The following CFAP46 variants were observed in gnomAD, a reference collection of about 807,000 sequenced individuals.
CFAP46 encodes cilia- and flagella-associated protein 46.
CFAP46 carries 245 observed loss-of-function variants against 325.7 expected under a neutral mutation model. The observed-to-expected ratio is 0.75, with a 90% CI of 0.68 to 0.84. The LOEUF (loss-of-function observed/expected upper bound fraction) is 0.84, where lower values mean the gene tolerates loss of function less well. CFAP46 is among the 40% of genes least tolerant of loss of function. The probability of loss-of-function intolerance (pLI) is 0.00; values close to 1 mark genes in which losing one functional copy is unlikely to be tolerated. For missense variants in CFAP46, 3,346 were observed against 3,543.0 expected (o/e 0.94, Z 1.41); for synonymous variants, 1,523 against 1,495.9 (o/e 1.02, Z -0.42).
chr10:132,908,159 A>G (rs1472975511), intron 22 of CFAP46, among the ~76,000 whole-genome samples: 1 of 152,222 alleles, frequency 6.6e-6, no homozygotes, highest in Non-Finnish European at 1.5e-5. Flanking sequence ...GGCCGGCAGG[A>G]CGGAGGCTGC....
At chr10:132,861,694 G>A (rs182216446) in intron 35 of CFAP46, among the ~76,000 whole-genome samples, 1 of 152,206 alleles carries the variant, frequency 6.6e-6, no homozygotes, top group Non-Finnish European at 1.5e-5. Context: ...GAGCGGTGGC[G>A]GGAAAGCCGG....
intron 22 of CFAP46, among the ~76,000 whole-genome samples, chr10:132,904,132 A>G (rs1849425029): frequency 6.6e-6 from 1 of 152,282 alleles, no homozygotes; most frequent in African/African-American, 2.4e-5. Flanking sequence ...GAAAGAAATT[A>G]GAATGAAGAA....
rs1849966651 is a variant in CFAP46, at chr10:132,934,796, T to C, written c.822A>G (p.Leu274=). 1 of 1,612,960 alleles carries C rather than the reference T, an allele frequency of 6.2e-7. No individual in the cohort carries two copies. The highest frequency in any genetic ancestry group is 8.5e-7 in the Non-Finnish European group (1 of 1,179,098). The part of the protein sequence containing the change: ...SVILRKAYRH[L]GHYNHQRFPS... ...GAAAGCGCTGGTGGTTGTAATGACC[T>C]AAGTGTCTGTAGGCCTTCCTCAGAA... The change falls in exon 8 of 58, where the codon TTA becomes TTG. Residue 274 remains leucine (L), a synonymous_variant. Coordinates refer to ENST00000368586, the MANE Select transcript of CFAP46 (RefSeq NM_001200049.3).
intron 13 of CFAP46, among the ~76,000 whole-genome samples, chr10:132,920,630 C>G (rs901932782): frequency 6.6e-6 from 1 of 152,230 alleles, no homozygotes; most frequent in African/African-American, 2.4e-5. Flanking sequence ...CACGAGCACC[C>G]GGAACTCAGC....
At chr10:132,933,553 A>C (rs1021044032) in intron 8 of CFAP46, among the ~76,000 whole-genome samples, 1 of 152,166 alleles carries the variant, frequency 6.6e-6, no homozygotes. Flanking sequence ...CCCCATGTAC[A>C]CATGCACTCA....
chr10:132,822,918 CTGA>C (rs1256293588), intron 50 of CFAP46, among the ~76,000 whole-genome samples: 2 of 120,604 alleles, frequency 1.7e-5, no homozygotes, highest in African/African-American at 3.3e-5. Flanking sequence ...TGTGTGAGTG[CTGA>C]TGTGTGCTGA....
intron 5 of CFAP46, 76 bp from the exon 6 acceptor site, chr10:132,937,751 C>G (rs748607583): frequency 6.6e-7 from 1 of 1,504,188 alleles, no homozygotes; most frequent in South Asian, 1.4e-5. Context: ...GTTATTAAAC[C>G]ATTACATATT....
At position 132,810,979 on chromosome 10, in the gene CFAP46, CT is replaced by C. The variant is rs764132798; in HGVS notation, c.7553del (p.Lys2518ArgfsTer75). 1.2e-6 allele frequency: 2 copies of C among 1,607,718 alleles called. No individual in the cohort carries two copies. Among genetic ancestry groups the C allele is most frequent in the South Asian group, 2.2e-5 (2 of 89,798 alleles). ...LDLARSYQSL[K>X]RHMESVEHRR... ...TGTGCTCCACGCTCTCCATGTGCCT[CT>C]TCAAGCTCTGGTAGGACCGCGCCAG... On this transcript the variant is annotated frameshift_variant, in exon 56 of 58. Coordinates refer to ENST00000368586, the MANE Select transcript of CFAP46 (RefSeq NM_001200049.3). LOFTEE classifies it high-confidence loss of function.
At chr10:132,905,229 C>T (rs181049222) in intron 22 of CFAP46, among the ~76,000 whole-genome samples, 22 of 152,224 alleles carry the variant, frequency 1.4e-4, no homozygotes, top group East Asian at 1.2e-3. Context: ...TTGGAGAGTC[C>T]GGCTGTAAAT....
At chr10:132,826,556 C>T (rs1416934134) in intron 50 of CFAP46, among the ~76,000 whole-genome samples, 2 of 131,592 alleles carry the variant, frequency 1.5e-5, no homozygotes, top group African/African-American at 3.1e-5. Context: ...CAGGCAGGAG[C>T]CGGAGCCACA....
At position 132,913,036 on chromosome 10, in the gene CFAP46, C is replaced by T. The variant is rs1311703356; in HGVS notation, c.2333+10G>A. 2.9e-5 allele frequency: 45 copies of T among 1,549,130 alleles called. No homozygotes were observed. Among genetic ancestry groups the T allele is most frequent in the Non-Finnish European group, 3.3e-5 (38 of 1,146,728 alleles). ...CCTCCCTGCGTGAACGCAGCACAGCCCACACGCACCCACTGTGGCCTGTGG... is the reference window on the plus strand; with the variant it reads ...CCTCCCTGCGTGAACGCAGCACAGCTCACACGCACCCACTGTGGCCTGTGG... On this transcript the variant is annotated intron_variant, in intron 18 of 57. Transcript: ENST00000368586.
At chr10:132,905,978 G>A (rs4628605) in intron 22 of CFAP46, among the ~76,000 whole-genome samples, 1,946 of 152,372 alleles carry the variant, frequency 0.013, 36 homozygotes, top group African/African-American at 0.043. Flanking sequence ...ATTACAGGCT[G>A]CAGGGAAAAT....
rs1564770915 is a variant in CFAP46, at chr10:132,832,895, T to C, written c.7117+463A>G. ...GTGGGGGCAAGAACAGCGTTAAGTT[T>C]GTCTTCCCTGTGTGTTTAGCACCAG... On this transcript the variant is annotated intron_variant, in intron 50 of 57. Coordinates refer to ENST00000368586, the MANE Select transcript of CFAP46 (RefSeq NM_001200049.3). This position sits in a 1 kb window ranked among gnomAD's most constrained non-coding sequence, Gnocchi z 4.1. 1 of 456,132 alleles carries C rather than the reference T, an allele frequency of 2.2e-6. No individual in the cohort carries two copies. Among genetic ancestry groups the C allele is most frequent in the Non-Finnish European group, 4.6e-6 (1 of 215,656 alleles). The allele number at this position is 456,132 out of a possible 1,614,324, so 28.3% of individuals were successfully genotyped here.
chr10:132,840,554 T>C (rs886941680), intron 44 of CFAP46, among the ~76,000 whole-genome samples: 37 of 152,250 alleles, frequency 2.4e-4, no homozygotes, highest in African/African-American at 8.2e-4. Context: ...TCTTCTTGTA[T>C]GCAAGGCTGT....
At chr10:132,942,233 G>T in intron 1 of CFAP46, 129 bp from the exon 2 acceptor site, 1 of 1,313,162 alleles carries the variant, frequency 7.6e-7, no homozygotes, top group Non-Finnish European at 1.0e-6. Context: ...AGAACCTGTC[G>T]CCGCCAGGGA....
In CFAP46 at chr10:132,833,474, T is replaced by C. The variant is rs752685626; in HGVS notation, c.7001A>G (p.His2334Arg). 6.2e-7 allele frequency: 1 copy of C among 1,614,152 alleles called. No homozygotes were observed. Among genetic ancestry groups the C allele is most frequent in the Non-Finnish European group, 8.5e-7 (1 of 1,180,024 alleles). ...ADKIVLVADR[H>R]LLELPLEGLS... ...ACCTTCCAGTGGCAGCTCCAGGAGATGTCTGTCTGCGACCAGGACTATCTT... is the reference window on the plus strand; with the variant it reads ...ACCTTCCAGTGGCAGCTCCAGGAGACGTCTGTCTGCGACCAGGACTATCTT... Residue 2334 changes from histidine (H) to arginine (R), a missense_variant, in exon 50 of 58, where the codon CAT becomes CGT. Coordinates refer to ENST00000368586, the MANE Select transcript of CFAP46 (RefSeq NM_001200049.3).
At chr10:132,842,542 G>A (rs1441782681) in intron 44 of CFAP46, among the ~76,000 whole-genome samples, 1 of 152,090 alleles carries the variant, frequency 6.6e-6, no homozygotes, top group South Asian at 2.1e-4. Flanking sequence ...AATGCTTTCA[G>A]CCTCTGCTCA....
At chr10:132,850,783 T>TA (rs1319021382) in intron 40 of CFAP46, among the ~76,000 whole-genome samples, 1 of 152,206 alleles carries the variant, frequency 6.6e-6, no homozygotes, top group Non-Finnish European at 1.5e-5. Context: ...CTTTTTTTTT[T>TA]ACCAAAATGG....
chr10:132,845,916 C>G (rs570175596), intron 44 of CFAP46, 141 bp downstream of exon 44: 4 of 947,678 alleles, frequency 4.2e-6, no homozygotes, highest in Non-Finnish European at 6.2e-6. Context: ...GTGCACATGG[C>G]TGGGGGCACG....
Sources: allele counts gnomAD v4.1 joint callset (sites outside exome capture counted in the v4.1 genomes callset), GRCh38; gene constraint gnomAD v4.1.1; non-coding constraint Gnocchi (gnomAD v3.1); transcripts MANE v1.5; gene names NCBI Gene and HGNC (gene_info 2026-07-23, HGNC 2026-07-21).